Variants in ZNF324B observed in about 807,000 individuals in gnomAD.
ZNF324B encodes the protein zinc finger protein 324B.
ZNF324B carries 7 observed loss-of-function variants against 10.6 expected under a neutral mutation model. The ratio of observed to expected loss-of-function variants is 0.66; its 90% CI spans 0.38 to 1.24. The LOEUF is 1.24. Among genes scored for constraint, ZNF324B ranks in the 50% most tolerant of loss-of-function variants. The pLI is 0.02. For synonymous variants in ZNF324B, 316 were observed against 321.0 expected (o/e 0.98, Z 0.17); for missense variants, 640 against 764.7 (o/e 0.84, Z 1.92).
the ZNF324B span, among the ~76,000 whole-genome samples, chr19:58,420,784 T>G: frequency 3.3e-5 from 5 of 151,334 alleles, no homozygotes; most frequent in Non-Finnish European, 7.4e-5. Context: ...CTCAGCACAC[T>G]GCAACCTCCG....
At chr19:58,434,566 C>A in the ZNF324B span, 1 of 1,614,106 alleles carries the variant, frequency 6.2e-7, no homozygotes, top group Middle Eastern at 1.6e-4. Flanking sequence ...ACACTCCTTA[C>A]ACACATGGGG....
intron 1 of ZNF324B, 132 bp downstream of exon 1, chr19:58,451,836 G>T: frequency 3.5e-6 from 1 of 281,898 alleles, no homozygotes; most frequent in South Asian, 2.6e-5. Flanking sequence ...AGGAGGCAGC[G>T]CATTGGGCAT....
Position 58,456,114 on chromosome 19 carries a change from G to A in ZNF324B, c.1170G>A (p.Thr390=), listed in dbSNP as rs768894787. The change falls in exon 4 of 4, where the codon ACG becomes ACA. Residue 390 remains threonine, a synonymous_variant. Coordinates refer to ENST00000336614, the MANE Select transcript of ZNF324B (RefSeq NM_207395.3). This position sits in a 1 kb window ranked among gnomAD's most constrained non-coding sequence, Gnocchi z 4.7. ...RNSHLIQHER[T]HTGEKPFVCA... is the part of the protein sequence containing the mutation. ...CGCACCTGATCCAGCACGAGCGTAC[G>A]CACACAGGCGAGAAGCCCTTCGTAT... 4 of 1,613,054 alleles carry A rather than the reference G, an allele frequency of 2.5e-6. No homozygotes were observed. The highest frequency in any genetic ancestry group is 1.7e-5 in the Admixed American group (1 of 60,008).
the ZNF324B span, chr19:58,434,701 C>T: frequency 6.2e-7 from 1 of 1,614,198 alleles, no homozygotes; most frequent in Non-Finnish European, 8.5e-7. Context: ...GAGAGTGGAG[C>T]TCTTCAGGAA....
the ZNF324B span, among the ~76,000 whole-genome samples, chr19:58,420,541 G>C: frequency 6.6e-6 from 1 of 151,638 alleles, no homozygotes; most frequent in African/African-American, 2.4e-5. Flanking sequence ...ACCAGCCTGG[G>C]CAACATGGCA....
At chr19:58,421,439 C>G in the ZNF324B span, among the ~76,000 whole-genome samples, 1 of 152,126 alleles carries the variant, frequency 6.6e-6, no homozygotes, top group Non-Finnish European at 1.5e-5. Context: ...CCCCGTCACC[C>G]AGGCTGGAGT....
At chr19:58,435,402 A>G in the ZNF324B span, 15 of 630,946 alleles carry the variant, frequency 2.4e-5, 1 homozygote, top group Non-Finnish European at 1.1e-5. Context: ...AAGCAACAGA[A>G]TAAGGGAGAC....
At chr19:58,421,537 T>C in the ZNF324B span, among the ~76,000 whole-genome samples, 1 of 152,000 alleles carries the variant, frequency 6.6e-6, no homozygotes, top group African/African-American at 2.4e-5. Context: ...CGCCGCACCA[T>C]GCCCGGCTAA....
chr19:58,420,441 G>A, the ZNF324B span, among the ~76,000 whole-genome samples: 1 of 151,856 alleles, frequency 6.6e-6, no homozygotes, highest in Non-Finnish European at 1.5e-5. Context: ...AAATTTGGGA[G>A]TAGGGGGTCA....
At chr19:58,430,416 T>A in the ZNF324B span, 17 of 152,246 alleles carry the variant, frequency 1.1e-4, no homozygotes, top group African/African-American at 3.9e-4. Context: ...CAGCAATAGG[T>A]AACTAATACA....
the ZNF324B span, among the ~76,000 whole-genome samples, chr19:58,426,026 G>A: frequency 1.3e-5 from 2 of 152,280 alleles, no homozygotes; most frequent in South Asian, 4.1e-4. Context: ...TATCCATTGA[G>A]GGTATAGTGA....
upstream of ZNF324B, among the ~76,000 whole-genome samples, chr19:58,450,069 T>C (rs1243380825): frequency 2.6e-5 from 4 of 152,172 alleles, no homozygotes; most frequent in Non-Finnish European, 5.9e-5. Context: ...ATGGGGACAG[T>C]TTCCCCCATA....
At chr19:58,437,233 A>G in the ZNF324B span, 1 of 1,570,156 alleles carries the variant, frequency 6.4e-7, no homozygotes, top group South Asian at 1.2e-5. Context: ...AGAAACAAAC[A>G]ATTGGTCAAA....
the ZNF324B span, chr19:58,439,656 C>G: frequency 1.6e-6 from 2 of 1,283,814 alleles, no homozygotes; most frequent in Admixed American, 3.2e-5. Flanking sequence ...GAGGACAGGA[C>G]ACGATCAAGA....
At chr19:58,427,393 T>TTCCTTC in the ZNF324B span, among the ~76,000 whole-genome samples, 1 of 50,656 alleles carries the variant, frequency 2.0e-5, no homozygotes, top group African/African-American at 9.3e-5. Context: ...TTTCTTTCTT[T>TTCCTTC]CTTTCTTTCT....
At chr19:58,446,909 T>C (rs1036523750), upstream of ZNF324B, among the ~76,000 whole-genome samples, 1 of 151,734 alleles carries the variant, frequency 6.6e-6, no homozygotes, top group Non-Finnish European at 1.5e-5. Flanking sequence ...TCTTTTCTTT[T>C]CTTCTTTCCT....
the ZNF324B span, among the ~76,000 whole-genome samples, chr19:58,432,563 A>C: frequency 6.6e-6 from 1 of 152,226 alleles, no homozygotes; most frequent in African/African-American, 2.4e-5. Context: ...TTAGTGTTGT[A>C]GATGAGTTTA....
chr19:58,453,274 C>T (rs368952472), intron 1 of ZNF324B: 1 of 245,376 alleles, frequency 4.1e-6, no homozygotes, highest in Admixed American at 5.1e-5. Context: ...CAGGCAAGCG[C>T]AGCAGGGGAA....
At chr19:58,432,025 A>G in the ZNF324B span, among the ~76,000 whole-genome samples, 1 of 152,100 alleles carries the variant, frequency 6.6e-6, no homozygotes, top group African/African-American at 2.4e-5. Context: ...ACCATATTCT[A>G]CAAGGTTCTG....
Sources: allele counts gnomAD v4.1 joint callset (sites outside exome capture counted in the v4.1 genomes callset), GRCh38; gene constraint gnomAD v4.1.1; non-coding constraint Gnocchi (gnomAD v3.1); transcripts MANE v1.5; gene names NCBI Gene and HGNC (gene_info 2026-07-23, HGNC 2026-07-21).